The following PTPRM variants were observed in gnomAD, a reference collection of about 807,000 sequenced individuals.
PTPRM encodes protein tyrosine phosphatase receptor type M.
A neutral mutation model predicts 186.7 loss-of-function variants in PTPRM; 47 were observed. That is an observed-to-expected ratio of 0.25 (90% CI 0.20 to 0.32). The LOEUF is 0.32. PTPRM is among the 10% of genes least tolerant of loss of function. The probability of loss-of-function intolerance (pLI) is 1.00; values close to 1 mark genes in which losing one functional copy is unlikely to be tolerated. For synonymous variants in PTPRM, 668 were observed against 674.9 expected (o/e 0.99, Z 0.16); for missense variants, 1,494 against 1,865.0 (o/e 0.80, Z 3.66).
chr18:8,304,067 T>A (rs368694306), intron 20 of PTPRM, among the ~76,000 whole-genome samples: 1 of 152,214 alleles, frequency 6.6e-6, no homozygotes, highest in Non-Finnish European at 1.5e-5. Flanking sequence ...ACCTTATATA[T>A]GTCACCAGTA....
At chr18:8,340,015 A>G (rs913508916) in intron 22 of PTPRM, among the ~76,000 whole-genome samples, 2 of 152,110 alleles carry the variant, frequency 1.3e-5, no homozygotes, top group African/African-American at 4.8e-5. Flanking sequence ...CAGGATTTGA[A>G]TGAACATTTG....
At chr18:7,656,854 G>A (rs1264637293) in intron 1 of PTPRM, among the ~76,000 whole-genome samples, 1 of 151,978 alleles carries the variant, frequency 6.6e-6, no homozygotes, top group Non-Finnish European at 1.5e-5. Flanking sequence ...CTGAGAACAG[G>A]TAGCCAGCTT....
chr18:7,947,080 C>T (rs768482756), intron 5 of PTPRM: 1 of 450,646 alleles, frequency 2.2e-6, no homozygotes, highest in Non-Finnish European at 4.5e-6. Flanking sequence ...TCAGGATTAG[C>T]AAGCCCATTG....
At chr18:8,069,003 G>C (rs1286262536) in intron 7 of PTPRM, among the ~76,000 whole-genome samples, 1 of 150,612 alleles carries the variant, frequency 6.6e-6, no homozygotes, top group Non-Finnish European at 1.5e-5. Context: ...CCAGCTACTT[G>C]GGAGGCTGAG....
chr18:7,983,149 C>T (rs1599854529), intron 7 of PTPRM, among the ~76,000 whole-genome samples: 2 of 152,162 alleles, frequency 1.3e-5, no homozygotes, highest in South Asian at 4.1e-4. Flanking sequence ...CACCTGGCTG[C>T]ACAGCAGGAA....
rs551586664 is a variant in PTPRM, at chr18:8,400,125, C to T, written c.4344+5514C>T. 1.8e-4 allele frequency among the ~76,000 whole-genome samples: 27 copies of T among 152,160 alleles called. 1 individual carries two copies. Among genetic ancestry groups the T allele is most frequent in the Non-Finnish European group, 3.4e-4 (23 of 68,024 alleles). On this transcript the variant is annotated intron_variant, in intron 32 of 32. Coordinates refer to ENST00000580170, the MANE Select transcript of PTPRM (RefSeq NM_001105244.2). ...CTGTGTGTGTGAGCTTCATCTCAGA[C>T]CAGGTGTAACAGGAACAGCCCCGTC...
At chr18:7,700,991 A>G (rs1309478578) in intron 1 of PTPRM, among the ~76,000 whole-genome samples, 1 of 147,106 alleles carries the variant, frequency 6.8e-6, no homozygotes, top group Non-Finnish European at 1.5e-5. Context: ...AAAAAAAAAA[A>G]AAAAAGAAAG....
chr18:7,762,938 C>T (rs1003732154), intron 1 of PTPRM, among the ~76,000 whole-genome samples: 5 of 152,176 alleles, frequency 3.3e-5, no homozygotes, highest in Non-Finnish European at 7.3e-5. Context: ...TCACATACAC[C>T]TCTAAGTTCA....
intron 30 of PTPRM, among the ~76,000 whole-genome samples, chr18:8,386,303 C>A (rs1414084667): frequency 2.6e-5 from 4 of 151,904 alleles, no homozygotes; most frequent in African/African-American, 9.7e-5. Context: ...AAATGAGAGG[C>A]AGAGGAAGAG....
At chr18:8,215,545 C>CTTTTTTTTTTTTTTTT (rs11334182) in intron 14 of PTPRM, among the ~76,000 whole-genome samples, 8 of 116,322 alleles carry the variant, frequency 6.9e-5, no homozygotes, top group African/African-American at 1.3e-4. Context: ...TCTTTCTTTT[C>CTTTTTTTTTTTTTTTT]TTTTTTTTTT....
chr18:7,890,714 C>T (rs554972782), intron 3 of PTPRM, among the ~76,000 whole-genome samples: 12 of 152,140 alleles, frequency 7.9e-5, no homozygotes, highest in African/African-American at 2.9e-4. Flanking sequence ...TAATTAACTA[C>T]TGGGATATTC....
intron 1 of PTPRM, among the ~76,000 whole-genome samples, chr18:7,664,974 A>T (rs1474430006): frequency 1.3e-5 from 2 of 152,108 alleles, no homozygotes; most frequent in Non-Finnish European, 2.9e-5. Context: ...TAAATTTGAG[A>T]TGTCACTACC....
chr18:8,165,855 C>T (rs1203696007), intron 14 of PTPRM, among the ~76,000 whole-genome samples: 1 of 152,156 alleles, frequency 6.6e-6, no homozygotes, highest in Admixed American at 6.5e-5. Flanking sequence ...CAGTTCCCCC[C>T]TTATGGGCTT....
Position 8,214,821 on chromosome 18 carries a change from C to A in PTPRM, c.2301-29237C>A, listed in dbSNP as rs116126989. On this transcript the variant is annotated intron_variant, in intron 14 of 32. Coordinates refer to ENST00000580170, the MANE Select transcript of PTPRM (RefSeq NM_001105244.2). Reference sequence around the variant, plus strand: ...GGGATTACAGGCACCCGCCACCGTGCCTGGCTAATCTTTGTATTTTTAGTA... The same window carrying A: ...GGGATTACAGGCACCCGCCACCGTGACTGGCTAATCTTTGTATTTTTAGTA... Among the ~76,000 whole-genome samples, 818 of 152,244 alleles carry A rather than the reference C, an allele frequency of 5.4e-3. 8 individuals are homozygous for A. The highest frequency in any genetic ancestry group is 0.019 in the African/African-American group (770 of 41,528).
intron 14 of PTPRM, among the ~76,000 whole-genome samples, chr18:8,182,334 C>A (rs2093587149): frequency 6.6e-6 from 1 of 152,046 alleles, no homozygotes; most frequent in African/African-American, 2.4e-5. Context: ...ACATAGTATC[C>A]AATAGGTAGT....
chr18:7,813,594 A>G (rs2044646313), intron 2 of PTPRM, among the ~76,000 whole-genome samples: 1 of 152,140 alleles, frequency 6.6e-6, no homozygotes, highest in South Asian at 2.1e-4. Context: ...CCGAGAGGAT[A>G]TGTGCCTTCA....
chr18:7,871,295 A>G (rs1018877600), intron 2 of PTPRM, among the ~76,000 whole-genome samples: 3 of 152,154 alleles, frequency 2.0e-5, no homozygotes, highest in African/African-American at 4.8e-5. Flanking sequence ...GATGGTCACT[A>G]TTTGCATTTG....
At chr18:7,957,799 C>T (rs921451724) in intron 7 of PTPRM, among the ~76,000 whole-genome samples, 1 of 152,060 alleles carries the variant, frequency 6.6e-6, no homozygotes, top group Admixed American at 6.6e-5. Context: ...GAAGCAGGAG[C>T]AAGTTAAAGG....
intron 14 of PTPRM, among the ~76,000 whole-genome samples, chr18:8,177,112 A>G (rs1044610539): frequency 1.2e-4 from 18 of 152,140 alleles, no homozygotes; most frequent in Non-Finnish European, 2.4e-4. Context: ...TCAAATACTG[A>G]TGCCTTTTGG....
Sources: allele counts gnomAD v4.1 joint callset (sites outside exome capture counted in the v4.1 genomes callset), GRCh38; gene constraint gnomAD v4.1.1; transcripts MANE v1.5; gene names NCBI Gene and HGNC (gene_info 2026-07-23, HGNC 2026-07-21).